SNTB1: variants seen among roughly 807,000 people sequenced by gnomAD.
SNTB1 encodes syntrophin beta 1, also known as beta-1-syntrophin.
SNTB1 carries 36 observed loss-of-function variants against 48.9 expected under a neutral mutation model. The observed-to-expected ratio is 0.74, with a 90% confidence interval of 0.56 to 0.97. The LOEUF (loss-of-function observed/expected upper bound fraction) is 0.97. Among genes scored for constraint, SNTB1 ranks in the 50% least tolerant of loss-of-function variants. SNTB1 has a pLI of 0.00. For synonymous variants in SNTB1, 299 were observed against 294.6 expected (o/e 1.01, Z -0.15); for missense variants, 786 against 703.4 (o/e 1.12, Z -1.33).
At chr8:120,745,183 G>C (rs1819106046) in intron 1 of SNTB1, among the ~76,000 whole-genome samples, 1 of 152,134 alleles carries the variant, frequency 6.6e-6, no homozygotes, top group Admixed American at 6.6e-5. Flanking sequence ...AGTGTTAGCA[G>C]TGGGGCAGAG....
intron 2 of SNTB1, among the ~76,000 whole-genome samples, chr8:120,673,096 T>C (rs961570164): frequency 1.3e-5 from 2 of 152,138 alleles, no homozygotes; most frequent in African/African-American, 4.8e-5. Context: ...CCCTCTTACT[T>C]TGCCCCTGTA....
At chr8:120,622,656 C>A (rs1187512123) in intron 3 of SNTB1, among the ~76,000 whole-genome samples, 1 of 152,086 alleles carries the variant, frequency 6.6e-6, no homozygotes, top group Non-Finnish European at 1.5e-5. Flanking sequence ...TAAAAGTAAA[C>A]TTCTAGGTGG....
chr8:120,612,491 C>T (rs999812649), intron 3 of SNTB1, among the ~76,000 whole-genome samples: 2 of 152,182 alleles, frequency 1.3e-5, no homozygotes, highest in African/African-American at 4.8e-5. Flanking sequence ...ATATAGATTT[C>T]CAAGCCCTAG....
Position 120,811,799 on chromosome 8 carries a change from C to G in SNTB1, c.45G>C (p.Ala15=), listed in dbSNP as rs753548208. The G allele has an allele frequency of 2.1e-6, 3 of 1,411,516 alleles. No individual in the cohort carries two copies. In the East Asian group the frequency reaches 8.8e-5, roughly 41 times the overall value. The allele number at this position is 1,411,516 out of a possible 1,614,324, so 87.4% of individuals were successfully genotyped here. A position where few individuals can be genotyped will look rare whatever the true frequency, so the allele number is the denominator to read the frequency against. Residue 15 remains alanine, a synonymous_variant, in exon 1 of 7, where the codon GCG becomes GCC. Transcript: ENST00000517992. ...CGCTCCGCTGCGCCCGGCCGCCTCC[C>G]GCGCCAGCCGGCCCAGCCGCCGCCG... is the stretch of plus-strand genomic sequence containing the variant. ...AAAAAAGPAG[A]GGGRAQRSGL...
intron 2 of SNTB1, among the ~76,000 whole-genome samples, chr8:120,670,859 A>T (rs577950540): frequency 6.6e-6 from 1 of 152,306 alleles, no homozygotes; most frequent in East Asian, 1.9e-4. Flanking sequence ...GCAGCCCCAT[A>T]ATGTAGGTAC....
At chr8:120,748,074 C>G in intron 1 of SNTB1, among the ~76,000 whole-genome samples, 1 of 152,130 alleles carries the variant, frequency 6.6e-6, no homozygotes, top group East Asian at 1.9e-4. Flanking sequence ...TTGATGCCTG[C>G]TAAAGAATAA....
rs367933654 is a variant in SNTB1 at position 120,780,184 on chromosome 8, G to A, written c.571+31089C>T. Among the ~76,000 whole-genome samples, 78 of 152,096 alleles carry A rather than the reference G, an allele frequency of 5.1e-4. 1 individual carries two copies. The Middle Eastern group carries it at 0.021, about 40-fold the overall frequency. The stretch of plus-strand genomic sequence containing the variant: ...GAAAGAATTTCCAGAAAGAGGGCTG[G>A]TATGCAGCAGAAAGTGCTGAAAACA... On this transcript the variant is annotated intron_variant, in intron 1 of 6. Transcript: ENST00000517992.
intron 2 of SNTB1, among the ~76,000 whole-genome samples, chr8:120,669,888 T>C (rs1453756783): frequency 6.6e-6 from 1 of 152,222 alleles, no homozygotes; most frequent in Admixed American, 6.5e-5. Flanking sequence ...GTCCCTGTAA[T>C]ACACTTTGAG....
chr8:120,763,185 T>A (rs1427087661), intron 1 of SNTB1, among the ~76,000 whole-genome samples: 1 of 152,258 alleles, frequency 6.6e-6, no homozygotes, highest in Admixed American at 6.5e-5. Flanking sequence ...ATCGCATTAC[T>A]ATATGTGCTT....
At chr8:120,553,722 G>A (rs969609134) in intron 4 of SNTB1, among the ~76,000 whole-genome samples, 1 of 152,140 alleles carries the variant, frequency 6.6e-6, no homozygotes, top group African/African-American at 2.4e-5. Flanking sequence ...TAAGAGGCTG[G>A]ACAGGGTGGC....
At chr8:120,731,441 T>C (rs924697856) in intron 1 of SNTB1, among the ~76,000 whole-genome samples, 3 of 152,172 alleles carry the variant, frequency 2.0e-5, no homozygotes, top group African/African-American at 7.2e-5. Flanking sequence ...GGCGGAGCAT[T>C]AGAAACAGGA....
At chr8:120,767,489 A>G (rs1162744294) in intron 1 of SNTB1, among the ~76,000 whole-genome samples, 6 of 152,244 alleles carry the variant, frequency 3.9e-5, no homozygotes, top group Non-Finnish European at 8.8e-5. Flanking sequence ...TACACTCTTT[A>G]GACCTTGAAA....
intron 3 of SNTB1, among the ~76,000 whole-genome samples, chr8:120,582,179 C>G (rs1012894466): frequency 5.3e-5 from 8 of 152,284 alleles, no homozygotes; most frequent in South Asian, 2.1e-4. Flanking sequence ...TCAAGTTAAA[C>G]AATGTATGTT....
intron 3 of SNTB1, among the ~76,000 whole-genome samples, chr8:120,576,964 G>A (rs1026013659): frequency 2.6e-5 from 4 of 152,098 alleles, no homozygotes; most frequent in African/African-American, 7.2e-5. Flanking sequence ...AGATGGTAAC[G>A]CCCTCAGTAA....
At chr8:120,758,494 GCTTTAGTTA>G (rs1365181815) in intron 1 of SNTB1, among the ~76,000 whole-genome samples, 1 of 152,124 alleles carries the variant, frequency 6.6e-6, no homozygotes, top group African/African-American at 2.4e-5. Flanking sequence ...CCTTATTTGT[GCTTTAGTTA>G]CTTTTGCATG....
At position 120,811,814 on chromosome 8, in the gene SNTB1, A is replaced by AGGC. The variant is rs1820442647; in HGVS notation, c.29_30insGCC (p.Ala10_Gly11insPro). On this transcript the variant is annotated inframe_insertion, in exon 1 of 7. Transcript: ENST00000517992. ...GGCCGCCTCCCGCGCCAGCCGGCCC[A>AGGC]GCCGCCGCCGCCGCCGCCGCTACCG... is the stretch of plus-strand genomic sequence containing the variant. 9 of 1,354,044 alleles carry AGGC rather than the reference A, an allele frequency of 6.6e-6. No homozygotes were observed. The highest frequency in any genetic ancestry group is 8.5e-6 in the Non-Finnish European group (9 of 1,055,804). The allele number at this position is 1,354,044 out of a possible 1,614,324, so 83.9% of individuals were successfully genotyped here.
At chr8:120,787,801 T>C (rs1819948151) in intron 1 of SNTB1, among the ~76,000 whole-genome samples, 1 of 152,158 alleles carries the variant, frequency 6.6e-6, no homozygotes. Context: ...TTGGGAAACC[T>C]ATTTGAGGGA....
chr8:120,587,440 C>T (rs1183879977), intron 3 of SNTB1, among the ~76,000 whole-genome samples: 2 of 152,188 alleles, frequency 1.3e-5, no homozygotes, highest in African/African-American at 4.8e-5. Context: ...CTAATTCCTT[C>T]TAGTTTTGAA....
intron 3 of SNTB1, among the ~76,000 whole-genome samples, chr8:120,605,725 A>G (rs1234897645): frequency 6.6e-6 from 1 of 152,206 alleles, no homozygotes; most frequent in Non-Finnish European, 1.5e-5. Flanking sequence ...GCAAAGCCCC[A>G]GTGTAATATT....
Sources: gnomAD v4.1 joint callset for allele counts (sites outside exome capture counted in the v4.1 genomes callset) on GRCh38, gnomAD v4.1.1 for gene constraint, MANE v1.5 for transcripts, NCBI Gene and HGNC (gene_info 2026-07-23, HGNC 2026-07-21) for gene names.